STAM: variants seen among roughly 807,000 people sequenced by gnomAD.
STAM encodes signal transducing adaptor molecule.
A neutral mutation model predicts 63.4 loss-of-function variants in STAM; 16 were observed. The observed-to-expected ratio is 0.25, with a 90% CI of 0.17 to 0.38. The LOEUF (loss-of-function observed/expected upper bound fraction) is 0.38, where lower values mean the gene tolerates loss of function less well. Among genes scored for constraint, STAM ranks in the 10% least tolerant of loss-of-function variants. The probability of loss-of-function intolerance (pLI) is 1.00; values close to 1 mark genes in which losing one functional copy is unlikely to be tolerated. For synonymous variants in STAM, 238 were observed against 223.9 expected (o/e 1.06, Z -0.56); for missense variants, 636 against 657.1 (o/e 0.97, Z 0.35).
At chr10:17,676,402 ATTGAAT>A (rs1834857596) in intron 2 of STAM, among the ~76,000 whole-genome samples, 1 of 152,180 alleles carries the variant, frequency 6.6e-6, no homozygotes, top group African/African-American at 2.4e-5. Flanking sequence ...AAATAATGAA[ATTGAAT>A]TTGATGCTTT....
intron 4 of STAM, among the ~76,000 whole-genome samples, chr10:17,685,752 G>A (rs141233759): frequency 6.6e-6 from 1 of 152,270 alleles, no homozygotes; most frequent in Non-Finnish European, 1.5e-5. Flanking sequence ...AAGGCACTCT[G>A]TTTTTCTATT....
Position 17,644,281 on chromosome 10 carries a change from G to C in STAM, c.-59G>C. On this transcript the variant is annotated 5_prime_UTR_variant, in exon 1 of 14. Transcript: ENST00000377524. ...TGAGGAGTCTTCCATCCTACGTCGA[G>C]CTCTGACTCCCGTGCTGTCGAGAGG... The C allele has an allele frequency of 1.3e-6, 2 of 1,595,626 alleles. No homozygotes were observed. The highest frequency in any genetic ancestry group is 1.7e-6 in the Non-Finnish European group (2 of 1,163,560).
In STAM at chr10:17,653,626, G is replaced by A. The variant is rs532776738; in HGVS notation, c.41-6838G>A. Among the ~76,000 whole-genome samples, 5 of 152,260 alleles carry A rather than the reference G, an allele frequency of 3.3e-5. No individual in the cohort carries two copies. The South Asian group carries it at 1.0e-3, about 32-fold the overall frequency. On this transcript the variant is annotated intron_variant, in intron 1 of 13. Transcript: ENST00000377524. Reference sequence around the variant, plus strand: ...TTGTAGAGGAAAAAATATCATGTCTGTACCGAACACATAGAGACATTTTTC... The same window carrying A: ...TTGTAGAGGAAAAAATATCATGTCTATACCGAACACATAGAGACATTTTTC...
Position 17,704,421 on chromosome 10 carries a change from A to G in STAM, c.913-10A>G, listed in dbSNP as rs1280174667. On this transcript the variant is annotated splice_polypyrimidine_tract_variant and intron_variant, in intron 9 of 13. Coordinates refer to ENST00000377524, the MANE Select transcript of STAM (RefSeq NM_003473.4). ...GGTAGCTTTTTATATTAACTACTTA[A>G]TTCCTGTAGGATAAAATGGACCAGT... The G allele has an allele frequency of 1.2e-6, 2 of 1,612,090 alleles. No homozygotes were observed. The highest frequency in any genetic ancestry group is 1.7e-6 in the Non-Finnish European group (2 of 1,178,592).
intron 5 of STAM, among the ~76,000 whole-genome samples, chr10:17,690,845 A>G (rs1222417324): frequency 6.6e-6 from 1 of 152,222 alleles, no homozygotes; most frequent in East Asian, 1.9e-4. Context: ...CAGCACCGCT[A>G]CCGTAGTTGG....
chr10:17,668,974 G>A lies in STAM; in HGVS notation c.125+8426G>A, dbSNP rs147861204. On this transcript the variant is annotated intron_variant, in intron 2 of 13. Coordinates refer to ENST00000377524, the MANE Select transcript of STAM (RefSeq NM_003473.4). ...GTTTTAAGTTCAGTTGGGTAAATAT[G>A]TGAGAACATGATTGCTAGATCATAT... Among the ~76,000 whole-genome samples, 13 of 152,314 alleles carry A rather than the reference G, an allele frequency of 8.5e-5. No individual in the cohort carries two copies. The East Asian group carries it at 2.1e-3, about 25-fold the overall frequency.
intron 2 of STAM, among the ~76,000 whole-genome samples, chr10:17,670,023 C>T (rs1010784425): frequency 9.2e-5 from 14 of 151,990 alleles, no homozygotes; most frequent in African/African-American, 2.7e-4. Context: ...AGCCACTGCG[C>T]CCAGCTGGGA....
intron 8 of STAM, among the ~76,000 whole-genome samples, chr10:17,699,806 A>G: frequency 6.6e-6 from 1 of 152,194 alleles, no homozygotes; most frequent in South Asian, 2.1e-4. Context: ...TTCTTGAAGG[A>G]TTAGTAATTT....
intron 2 of STAM, among the ~76,000 whole-genome samples, chr10:17,670,055 A>G (rs1299792572): frequency 6.6e-6 from 1 of 151,678 alleles, no homozygotes; most frequent in Non-Finnish European, 1.5e-5. Context: ...TAAAGGGTAG[A>G]CGGGATTATA....
At chr10:17,708,312 G>T (rs183506892) in intron 12 of STAM, among the ~76,000 whole-genome samples, 1 of 152,284 alleles carries the variant, frequency 6.6e-6, no homozygotes, top group African/African-American at 2.4e-5. Flanking sequence ...TTACAAAAAA[G>T]TTTGCTGACC....
chr10:17,679,669 G>A (rs184487879), intron 2 of STAM, among the ~76,000 whole-genome samples: 78 of 151,600 alleles, frequency 5.1e-4, no homozygotes, highest in African/African-American at 1.8e-3. Context: ...GATTTTCTTC[G>A]TGGGAAGTTT....
intron 1 of STAM, among the ~76,000 whole-genome samples, chr10:17,658,620 C>T (rs1834038665): frequency 6.6e-6 from 1 of 152,038 alleles, no homozygotes; most frequent in Non-Finnish European, 1.5e-5. Flanking sequence ...GAGTGATCCT[C>T]CTATCTCAGC....
intron 1 of STAM, among the ~76,000 whole-genome samples, chr10:17,659,656 C>A (rs1834085288): frequency 6.6e-6 from 1 of 151,406 alleles, no homozygotes; most frequent in Admixed American, 6.6e-5. Flanking sequence ...AAAGATGAGG[C>A]CTTGCTCTGC....
chr10:17,669,959 T>C (rs1554823901), intron 2 of STAM, among the ~76,000 whole-genome samples: 1 of 150,000 alleles, frequency 6.7e-6, no homozygotes, highest in Non-Finnish European at 1.5e-5. Context: ...CTCGATCTCC[T>C]GACTTCGTGA....
chr10:17,708,883 C>G lies in STAM; in HGVS notation c.1317C>G (p.Ser439Arg). The G allele has an allele frequency of 1.2e-6, 2 of 1,614,194 alleles. No homozygotes were observed. The highest frequency in any genetic ancestry group is 1.7e-6 in the Non-Finnish European group (2 of 1,180,030). ...SLPPEQLSSLSQAVVPPSANP... is the reference protein window; with the variant it reads ...SLPPEQLSSLRQAVVPPSANP... ...CCCCGGAGCAGCTGTCTTCTCTCAG[C>G]CAGGCAGTGGTCCCACCATCCGCAA... Residue 439 changes from serine to arginine, a missense_variant, in exon 13 of 14, where the codon AGC (serine) becomes AGG (arginine). By Grantham distance (110) the Ser-to-Arg change is moderately radical. Coordinates refer to ENST00000377524, the MANE Select transcript of STAM (RefSeq NM_003473.4).
chr10:17,691,496 C>T (rs189802791), intron 5 of STAM, among the ~76,000 whole-genome samples: 7 of 151,760 alleles, frequency 4.6e-5, no homozygotes, highest in Admixed American at 3.3e-4. Flanking sequence ...CCAGCCTGGG[C>T]GACAGAGCGA....
intron 7 of STAM, chr10:17,695,951 C>T (rs1835737379): frequency 6.6e-6 from 1 of 152,108 alleles, no homozygotes; most frequent in Non-Finnish European, 1.5e-5. Context: ...GTTGAAGGCC[C>T]ACTTTCTGGT....
intron 1 of STAM, among the ~76,000 whole-genome samples, chr10:17,651,692 T>G (rs1207190767): frequency 6.6e-6 from 1 of 152,240 alleles, no homozygotes; most frequent in Non-Finnish European, 1.5e-5. Context: ...TACATTTCTT[T>G]GCAGATACAG....
At chr10:17,707,624 A>G (rs547381954) in intron 12 of STAM, among the ~76,000 whole-genome samples, 36 of 151,874 alleles carry the variant, frequency 2.4e-4, no homozygotes, top group African/African-American at 8.0e-4. Context: ...GAAGCAAAAA[A>G]CCTTCATGTT....
Sources: gnomAD v4.1 joint callset for allele counts (sites outside exome capture counted in the v4.1 genomes callset) on GRCh38, gnomAD v4.1.1 for gene constraint, MANE v1.5 for transcripts, NCBI Gene and HGNC (gene_info 2026-07-23, HGNC 2026-07-21) for gene names.